BCAS3: variants seen among roughly 807,000 people sequenced by gnomAD.
The protein encoded by BCAS3 is BCAS3 microtubule associated cell migration factor.
In BCAS3, 53 loss-of-function variants were observed where a neutral mutation model predicts 116.1. The ratio of observed to expected loss-of-function variants is 0.46; its 90% CI spans 0.37 to 0.57. BCAS3 has a LOEUF of 0.57. Among genes scored for constraint, BCAS3 ranks in the 20% least tolerant of loss-of-function variants. The pLI, the probability that BCAS3 is intolerant of heterozygous loss-of-function variation, is 0.00. For missense variants in BCAS3, 917 were observed against 1,165.4 expected (o/e 0.79, Z 3.10); for synonymous variants, 391 against 408.2 (o/e 0.96, Z 0.51).
At position 61,106,287 on chromosome 17, in the gene BCAS3, C is replaced by T. The variant is rs540505062; in HGVS notation, c.2425+21723C>T. ...CAGTCAACAGTGGACCTTATATGCT[C>T]GTGCAACAGTGTTCCAGTAAAATTA... On this transcript the variant is annotated intron_variant, in intron 22 of 23. Coordinates refer to ENST00000407086, the MANE Select transcript of BCAS3 (RefSeq NM_017679.5). The surrounding 1 kb of genome is among the most constrained non-coding windows in gnomAD (Gnocchi z 4.2). Among the ~76,000 whole-genome samples, 1 of 152,294 alleles carries T rather than the reference C, an allele frequency of 6.6e-6. No individual in the cohort carries two copies. Among genetic ancestry groups the T allele is most frequent in the Admixed American group, 6.5e-5 (1 of 15,294 alleles).
rs67510415 is a variant in BCAS3 at position 60,799,708 on chromosome 17, C to CTTTTTTTTT, written c.404-8277_404-8269dup. On this transcript the variant is annotated intron_variant, in intron 6 of 23. Transcript: ENST00000407086. Reference sequence around the variant, plus strand: ...TACGCCTGGCTAATTTTTTTCTTTTCTTTTTTTTTTTTTTTTTTTTTTTTT... The same window carrying CTTTTTTTTT: ...TACGCCTGGCTAATTTTTTTCTTTTCTTTTTTTTTTTTTTTTTTTTTTTTTTTTTTTTTT... 1.2e-3 allele frequency among the ~76,000 whole-genome samples: 60 copies of CTTTTTTTTT among 49,840 alleles called. 3 individuals are homozygous for CTTTTTTTTT. Among genetic ancestry groups the CTTTTTTTTT allele is most frequent in the African/African-American group, 4.5e-3 (58 of 12,796 alleles). The allele number at this position is 49,840 out of a possible 152,430, so 32.7% of individuals were successfully genotyped here.
chr17:61,295,515 G>A (rs1320428666), intron 22 of BCAS3, among the ~76,000 whole-genome samples: 1 of 152,142 alleles, frequency 6.6e-6, no homozygotes, highest in Non-Finnish European at 1.5e-5. Context: ...TTTCCTGTGG[G>A]ATTGCTGCTG....
rs147464041 is a variant in BCAS3 at position 61,082,751 on chromosome 17, C to T, written c.2328-1716C>T. 3.6e-3 allele frequency among the ~76,000 whole-genome samples: 554 copies of T among 152,250 alleles called. 4 individuals carry two copies. Among genetic ancestry groups the T allele is most frequent in the African/African-American group, 0.013 (530 of 41,532 alleles). On this transcript the variant is annotated intron_variant, in intron 21 of 23. Coordinates refer to ENST00000407086, the MANE Select transcript of BCAS3 (RefSeq NM_017679.5). The surrounding 1 kb of genome is among the most constrained non-coding windows in gnomAD (Gnocchi z 5.1). ...TACCTATCCCCTAACTAACCACTGC[C>T]GAGATGTGATGAGATTACCATGATT...
At chr17:61,382,213 A>G (rs1761915915) in intron 23 of BCAS3, among the ~76,000 whole-genome samples, 1 of 151,080 alleles carries the variant, frequency 6.6e-6, no homozygotes, top group Non-Finnish European at 1.5e-5. Context: ...CTGTAATCCC[A>G]GCTACTTGGG....
At chr17:60,787,422 A>G (rs1050729622) in intron 6 of BCAS3, among the ~76,000 whole-genome samples, 12 of 152,136 alleles carry the variant, frequency 7.9e-5, no homozygotes, top group Non-Finnish European at 1.6e-4. Flanking sequence ...ATATTTCATT[A>G]TATGAATATA....
Position 60,866,372 on chromosome 17 carries a change from A to G in BCAS3, c.477-2204A>G, listed in dbSNP as rs577797640. ...TTGAACTCCCAACCTCAGGTGATCC[A>G]CCTGCCTCGGCCTCCCAAAGTGCTG... is the stretch of plus-strand genomic sequence containing the variant. On this transcript the variant is annotated intron_variant, in intron 7 of 23. Coordinates refer to ENST00000407086, the MANE Select transcript of BCAS3 (RefSeq NM_017679.5). Among the ~76,000 whole-genome samples the G allele has an allele frequency of 3.2e-4, 49 of 151,962 alleles. 1 individual carries two copies. In the South Asian group the frequency reaches 0.01, roughly 32 times the overall value.
At chr17:61,350,199 G>A (rs1300687776) in intron 22 of BCAS3, among the ~76,000 whole-genome samples, 5 of 151,948 alleles carry the variant, frequency 3.3e-5, no homozygotes. Context: ...CCTCCACTCT[G>A]AGGTCAGGAG....
intron 7 of BCAS3, among the ~76,000 whole-genome samples, chr17:60,862,235 A>G (rs907736251): frequency 1.3e-5 from 2 of 152,204 alleles, no homozygotes; most frequent in Non-Finnish European, 2.9e-5. Flanking sequence ...GTGAGCCTAG[A>G]TTGCACCACT....
At chr17:61,152,731 C>A (rs2144012635) in intron 22 of BCAS3, among the ~76,000 whole-genome samples, 1 of 151,920 alleles carries the variant, frequency 6.6e-6, no homozygotes, top group Non-Finnish European at 1.5e-5. Flanking sequence ...AAAAAAAATA[C>A]CCCAATACTG....
rs1015880897 is a variant in BCAS3, at chr17:61,307,797, AT to A, written c.2426-60523del. 5.9e-5 allele frequency among the ~76,000 whole-genome samples: 9 copies of A among 152,294 alleles called. No individual in the cohort carries two copies. The East Asian group carries it at 1.4e-3, about 23-fold the overall frequency. On this transcript the variant is annotated intron_variant, in intron 22 of 23. Coordinates refer to ENST00000407086, the MANE Select transcript of BCAS3 (RefSeq NM_017679.5). This position sits in a 1 kb window ranked among gnomAD's most constrained non-coding sequence, Gnocchi z 4.7. Reference sequence around the variant, plus strand: ...TGTATTTAATTCATACTTTTAATTCATTTTTTTGTAATACCTTCTGTTAGAC... The same window carrying A: ...TGTATTTAATTCATACTTTTAATTCATTTTTTGTAATACCTTCTGTTAGAC...
chr17:61,091,481 T>A (rs765984444), intron 22 of BCAS3, among the ~76,000 whole-genome samples: 2 of 152,212 alleles, frequency 1.3e-5, no homozygotes, highest in Non-Finnish European at 2.9e-5. Flanking sequence ...GTCAAAACTG[T>A]TAGTGCAACA....
chr17:60,773,244 A>G (rs2044910895), intron 6 of BCAS3, among the ~76,000 whole-genome samples: 2 of 139,334 alleles, frequency 1.4e-5, no homozygotes, highest in South Asian at 4.4e-4. Context: ...CTTATTTGTC[A>G]TGTATTATCT....
intron 8 of BCAS3, among the ~76,000 whole-genome samples, chr17:60,873,973 G>T (rs1324808754): frequency 6.6e-6 from 1 of 151,778 alleles, no homozygotes; most frequent in Non-Finnish European, 1.5e-5. Context: ...TGAGTAGCTG[G>T]GATTACGGGT....
intron 22 of BCAS3, among the ~76,000 whole-genome samples, chr17:61,262,484 G>C (rs558066343): frequency 8.6e-5 from 13 of 151,858 alleles, no homozygotes; most frequent in Admixed American, 6.6e-4. Context: ...GGATTCAAGC[G>C]ATTCTCCTGC....
At chr17:60,892,066 G>C (rs1239566834) in intron 10 of BCAS3, among the ~76,000 whole-genome samples, 2 of 152,184 alleles carry the variant, frequency 1.3e-5, no homozygotes, top group Non-Finnish European at 1.5e-5. Context: ...TAGACACCTA[G>C]TTTGGTTCCA....
intron 23 of BCAS3, among the ~76,000 whole-genome samples, chr17:61,372,164 T>C (rs2059082293): frequency 6.6e-6 from 1 of 152,106 alleles, no homozygotes; most frequent in Non-Finnish European, 1.5e-5. Flanking sequence ...TGGTCTCCAC[T>C]CTCCACTGGA....
intron 10 of BCAS3, among the ~76,000 whole-genome samples, chr17:60,892,882 A>G (rs888172934): frequency 3.3e-5 from 5 of 152,070 alleles, no homozygotes; most frequent in Admixed American, 1.3e-4. Context: ...AGATCATGCC[A>G]TCGCACTCTA....
chr17:60,846,555 G>A (rs559125197), intron 7 of BCAS3, among the ~76,000 whole-genome samples: 17 of 152,076 alleles, frequency 1.1e-4, no homozygotes, highest in Non-Finnish European at 1.6e-4. Flanking sequence ...TATTATAATT[G>A]TGGATTTGTC....
chr17:60,915,522 A>G (rs186411479), intron 12 of BCAS3, among the ~76,000 whole-genome samples: 2 of 151,820 alleles, frequency 1.3e-5, no homozygotes, highest in East Asian at 1.9e-4. Flanking sequence ...CTTTTTCCTG[A>G]TAACCACTAA....
Sources: allele counts gnomAD v4.1 joint callset (sites outside exome capture counted in the v4.1 genomes callset), GRCh38; gene constraint gnomAD v4.1.1; non-coding constraint Gnocchi (gnomAD v3.1); transcripts MANE v1.5; gene names NCBI Gene and HGNC (gene_info 2026-07-23, HGNC 2026-07-21).